PPP4R3B: variants seen among roughly 807,000 people sequenced by gnomAD.
PPP4R3B encodes the protein serine/threonine-protein phosphatase 4 regulatory subunit 3B.
Under a neutral mutation model 95.4 loss-of-function variants are expected in PPP4R3B, and 52 were observed. The ratio of observed to expected loss-of-function variants is 0.54; its 90% confidence interval spans 0.44 to 0.69. The LOEUF (loss-of-function observed/expected upper bound fraction) is 0.69, where lower values mean the gene tolerates loss of function less well. Ranked by LOEUF, PPP4R3B falls within the 30% of genes least tolerant of loss-of-function variation. The pLI, the probability that PPP4R3B is intolerant of heterozygous loss-of-function variation, is 0.00. For missense variants in PPP4R3B, 1,003 were observed against 1,005.9 expected (o/e 1.00, Z 0.04); for synonymous variants, 407 against 343.9 (o/e 1.18, Z -2.03).
intron 2 of PPP4R3B, among the ~76,000 whole-genome samples, chr2:55,604,295 TA>T (rs1272617152): frequency 6.6e-6 from 1 of 152,138 alleles, no homozygotes; most frequent in Non-Finnish European, 1.5e-5. Context: ...CAAAAAATAT[TA>T]AAACAGGCTA....
chr2:55,563,608 A>C (rs1346881047), intron 15 of PPP4R3B, among the ~76,000 whole-genome samples: 1 of 152,150 alleles, frequency 6.6e-6, no homozygotes, highest in Non-Finnish European at 1.5e-5. Flanking sequence ...TCCTGGGCTC[A>C]AATGATCCAC....
Position 55,549,647 on chromosome 2 carries a change from C to A in PPP4R3B, c.*264G>T. On this transcript the variant is annotated 3_prime_UTR_variant, in exon 17 of 17. Transcript: ENST00000616407. ...TCCCCAAACCTGTGACTTTTCCTTG[C>A]TGAGAAGCTGTCTCCCAGGTTCTGG... 2.5e-6 allele frequency: 1 copy of A among 401,496 alleles called. No homozygotes were observed. 24.9% of individuals were successfully genotyped at this position (401,496 alleles called of 1,614,324 possible). A position where few individuals can be genotyped will look rare whatever the true frequency, so the allele number is the denominator to read the frequency against.
At chr2:55,602,738 A>G (rs1257278999) in intron 3 of PPP4R3B, among the ~76,000 whole-genome samples, 1 of 152,182 alleles carries the variant, frequency 6.6e-6, no homozygotes, top group Non-Finnish European at 1.5e-5. Context: ...CTCAAGCCTG[A>G]AACTCTCCTA....
chr2:55,603,973 C>CAGGT lies in PPP4R3B; in HGVS notation c.297+4_297+5insACCT. ...TTAAGTTAAATATTATAAAAAGAAACTTACCTGACAAATTTTTTCCCAGAT... is the reference window on the plus strand; with the variant it reads ...TTAAGTTAAATATTATAAAAAGAAACAGGTTTACCTGACAAATTTTTTCCCAGAT... On this transcript the variant is annotated splice_donor_region_variant and intron_variant, in intron 3 of 16. Transcript: ENST00000616407. 6.3e-7 allele frequency: 1 copy of CAGGT among 1,588,822 alleles called. No individual in the cohort carries two copies.
chr2:55,607,838 G>A (rs961920891), intron 2 of PPP4R3B, among the ~76,000 whole-genome samples: 1 of 152,148 alleles, frequency 6.6e-6, no homozygotes, highest in Non-Finnish European at 1.5e-5. Context: ...TCAGGTCAAT[G>A]GATATTACTA....
intron 11 of PPP4R3B, among the ~76,000 whole-genome samples, chr2:55,574,840 C>A (rs568099406): frequency 6.6e-6 from 1 of 151,616 alleles, no homozygotes; most frequent in Non-Finnish European, 1.5e-5. Context: ...GTGATCCACC[C>A]GCTTCAGCCA....
rs571012588 is a variant in PPP4R3B, at chr2:55,558,887, C to T, written c.2342G>A (p.Ser781Asn). ...TTTACTGTTTGTTCCATTAGCAGCA[C>T]TGGCAGAGTGGGAGAAAGTAAATTT... ...GFKFTFSHSA[S>N]AANGTNSKSV... Residue 781 changes from serine (S) to asparagine (N), a missense_variant, in exon 16 of 17, where the codon AGT (serine) becomes AAT (asparagine). Coordinates refer to ENST00000616407, the MANE Select transcript of PPP4R3B (RefSeq NM_001122964.3). 94 of 1,614,110 alleles carry T rather than the reference C, an allele frequency of 5.8e-5. No individual in the cohort carries two copies. In the South Asian group the frequency reaches 9.7e-4, roughly 17 times the overall value.
At chr2:55,605,904 CA>C (rs35675375) in intron 2 of PPP4R3B, among the ~76,000 whole-genome samples, 34,226 of 86,484 alleles carry the variant, frequency 0.4, 3,944 homozygotes, top group African/African-American at 0.55. Flanking sequence ...GACTCCGTCT[CA>C]AAAAAAAAAA....
At chr2:55,572,223 A>T (rs183403810) in intron 12 of PPP4R3B, among the ~76,000 whole-genome samples, 1 of 48,678 alleles carries the variant, frequency 2.1e-5, no homozygotes, top group African/African-American at 5.3e-5. Context: ...TTAGGACATA[A>T]GACTTTCCTA....
chr2:55,580,747 T>C (rs929440355), intron 8 of PPP4R3B, among the ~76,000 whole-genome samples: 2 of 152,204 alleles, frequency 1.3e-5, no homozygotes, highest in Non-Finnish European at 2.9e-5. Context: ...AAACGATGTA[T>C]ATATTCTCTA....
chr2:55,588,853 T>A (rs772543807), intron 5 of PPP4R3B, 26 bp downstream of exon 5: 1 of 1,525,728 alleles, frequency 6.6e-7, no homozygotes, highest in Non-Finnish European at 9.0e-7. Flanking sequence ...TAAGTGCTCT[T>A]TAAGAGTTTG....
At chr2:55,579,607 C>A in intron 9 of PPP4R3B, 72 bp downstream of exon 9, 2 of 1,012,396 alleles carry the variant, frequency 2.0e-6, no homozygotes, top group East Asian at 2.7e-5. Context: ...AAGTAAATTG[C>A]CTGTTAGTTT....
intron 4 of PPP4R3B, among the ~76,000 whole-genome samples, chr2:55,595,999 G>A (rs1691723648): frequency 6.6e-6 from 1 of 152,114 alleles, no homozygotes; most frequent in South Asian, 2.1e-4. Context: ...TATACTGTTA[G>A]GGTGTAAAGG....
At chr2:55,561,709 A>G (rs1466922618) in intron 15 of PPP4R3B, among the ~76,000 whole-genome samples, 1 of 152,254 alleles carries the variant, frequency 6.6e-6, no homozygotes, top group Admixed American at 6.5e-5. Context: ...GCACTTGCCC[A>G]GGGCCTGTAG....
intron 16 of PPP4R3B, among the ~76,000 whole-genome samples, chr2:55,556,632 TAAA>T (rs570817892): frequency 7.1e-6 from 1 of 141,610 alleles, no homozygotes. Context: ...TACTTTGATT[TAAA>T]AAAAAAAAAA....
rs576062608 is a variant in PPP4R3B, at chr2:55,553,085, T to C, written c.2455-3079A>G. ...CACCATCACCAACTACAGAGAATTC[T>C]ACATAGAAAATGACTCTATAAAGAA... On this transcript the variant is annotated intron_variant, in intron 16 of 16. Transcript: ENST00000616407. Among the ~76,000 whole-genome samples the C allele has an allele frequency of 2.4e-4, 36 of 152,258 alleles. 1 individual carries two copies. The highest frequency in any genetic ancestry group is 7.9e-4 in the African/African-American group (33 of 41,558).
At chr2:55,602,777 G>C (rs1378325235) in intron 3 of PPP4R3B, among the ~76,000 whole-genome samples, 2 of 152,074 alleles carry the variant, frequency 1.3e-5, no homozygotes, top group Non-Finnish European at 2.9e-5. Context: ...TTTTCCCACT[G>C]GTTATTGGAA....
chr2:55,585,226 C>CT, intron 6 of PPP4R3B, 59 bp from the exon 7 acceptor site: 26 of 1,300,498 alleles, frequency 2.0e-5, no homozygotes, highest in Non-Finnish European at 2.5e-5. Context: ...TCTCACATTT[C>CT]TTTTTTCTTT....
At chr2:55,570,700 A>G (rs1339138956) in intron 12 of PPP4R3B, among the ~76,000 whole-genome samples, 1 of 152,228 alleles carries the variant, frequency 6.6e-6, no homozygotes, top group Non-Finnish European at 1.5e-5. Context: ...CTCATTAAAC[A>G]AAGAACTTGT....
Sources: gnomAD v4.1 joint callset for allele counts (sites outside exome capture counted in the v4.1 genomes callset) on GRCh38, gnomAD v4.1.1 for gene constraint, MANE v1.5 for transcripts, NCBI Gene and HGNC (gene_info 2026-07-23, HGNC 2026-07-21) for gene names.